The following PLAA variants were observed in gnomAD, a reference collection of about 807,000 sequenced individuals.
PLAA encodes the protein phospholipase A2 activating protein.
Under a neutral mutation model 84.1 loss-of-function variants are expected in PLAA, and 48 were observed. The observed-to-expected ratio is 0.57, with a 90% confidence interval of 0.45 to 0.73. The LOEUF (loss-of-function observed/expected upper bound fraction) is 0.73, where lower values mean the gene tolerates loss of function less well. Ranked by LOEUF, PLAA falls within the 30% of genes least tolerant of loss-of-function variation. The probability of loss-of-function intolerance (pLI) is 0.00; values close to 1 mark genes in which losing one functional copy is unlikely to be tolerated. For synonymous variants in PLAA, 392 were observed against 336.6 expected, an observed-to-expected ratio of 1.16 and a Z score of -1.80; for missense variants, 903 against 954.7, an observed-to-expected ratio of 0.95 and a Z score of 0.71.
chr9:26,942,448 A>C (rs919273200), intron 1 of PLAA, among the ~76,000 whole-genome samples: 1 of 152,238 alleles, frequency 6.6e-6, no homozygotes, highest in Non-Finnish European at 1.5e-5. Context: ...ACGAACAAAG[A>C]CTTTGAAATT....
chr9:26,929,306 T>A (rs761061889), intron 2 of PLAA, among the ~76,000 whole-genome samples: 1 of 151,908 alleles, frequency 6.6e-6, no homozygotes, highest in African/African-American at 2.4e-5. Context: ...CCTGGGGCAA[T>A]ATAGTGAGAC....
chr9:26,928,175 C>A lies in PLAA; in HGVS notation c.490G>T (p.Gly164Cys). 1.9e-6 allele frequency: 3 copies of A among 1,614,092 alleles called. No homozygotes were observed. Among genetic ancestry groups the A allele is most frequent in the Non-Finnish European group, 2.5e-6 (3 of 1,180,006 alleles). ...TCTGCTGATCCAGTCAACATTAAGC[C>A]CTGTTCAGGTAAGATCTTTACCGCC... The part of the protein sequence containing the change: ...VWAVKILPEQ[G>C]LMLTGSADKT... The change falls in exon 4 of 14, where the codon GGC becomes TGC. Residue 164 changes from glycine to cysteine, a missense_variant. By Grantham distance (159) the Gly-to-Cys change is radical. Transcript: ENST00000397292.
In PLAA at chr9:26,903,740, CAACA is replaced by C. The variant is rs143325115; in HGVS notation, c.*1767_*1770del. On this transcript the variant is annotated 3_prime_UTR_variant, in exon 14 of 14. Transcript: ENST00000397292. ...GCTAAGCTATATTTTGTAATCTCCA[CAACA>C]AACATGAAATAGTAAAGTTGACATA... 0.036 allele frequency among the ~76,000 whole-genome samples: 5,446 copies of C among 152,180 alleles called. 160 individuals carry two copies. The highest frequency in any genetic ancestry group is 0.094 in the South Asian group (454 of 4,820).
In PLAA at chr9:26,903,636, A is replaced by T. The variant is rs900346372; in HGVS notation, c.*1875T>A. On this transcript the variant is annotated 3_prime_UTR_variant, in exon 14 of 14. Transcript: ENST00000397292. Reference sequence around the variant, plus strand: ...GAAAAAACATTAAGAGAATCATAGGAAAGTTTAACTAAAAAAGAAAATCTT... The same window carrying T: ...GAAAAAACATTAAGAGAATCATAGGTAAGTTTAACTAAAAAAGAAAATCTT... Among the ~76,000 whole-genome samples the T allele has an allele frequency of 2.0e-5, 3 of 152,204 alleles. No individual in the cohort carries two copies. The highest frequency in any genetic ancestry group is 6.5e-5 in the Admixed American group (1 of 15,278).
chr9:26,935,324 C>T, intron 1 of PLAA, 118 bp from the exon 2 acceptor site: 1 of 522,130 alleles, frequency 1.9e-6, no homozygotes, highest in South Asian at 4.4e-5. Flanking sequence ...TATATACTAT[C>T]TTAAGAATCT....
intron 1 of PLAA, 140 bp downstream of exon 1, chr9:26,946,757 T>C: frequency 9.8e-7 from 1 of 1,016,726 alleles, no homozygotes; most frequent in South Asian, 1.7e-5. Context: ...TCTAATAGTC[T>C]GAGAATTGGA....
At chr9:26,911,362 A>AACTCCT (rs1824392214) in intron 11 of PLAA, among the ~76,000 whole-genome samples, 1 of 152,194 alleles carries the variant, frequency 6.6e-6, no homozygotes, top group Admixed American at 6.5e-5. Context: ...CACATTGGCC[A>AACTCCT]GGCTGGTCTC....
chr9:26,947,071 GC>G lies in PLAA; in HGVS notation c.-27del. 4 of 1,549,342 alleles carry G rather than the reference GC, an allele frequency of 2.6e-6. No homozygotes were observed. The highest frequency in any genetic ancestry group is 2.6e-6 in the Non-Finnish European group (3 of 1,148,540). ...GGCCAGTGTCTGTCTGGCGCCCGGT[GC>G]CCAGGCACTGTGCGAGACCAGTCCG... On this transcript the variant is annotated 5_prime_UTR_variant, in exon 1 of 14. Coordinates refer to ENST00000397292, the MANE Select transcript of PLAA (RefSeq NM_001031689.3).
chr9:26,910,527 T>C (rs1824367577), intron 11 of PLAA, 88 bp from the exon 12 acceptor site: 1 of 950,300 alleles, frequency 1.1e-6, no homozygotes, highest in Admixed American at 1.9e-5. Context: ...TTCACAATTA[T>C]TGAGATATGC....
intron 2 of PLAA, among the ~76,000 whole-genome samples, chr9:26,932,359 T>C (rs1034794137): frequency 3.3e-5 from 5 of 152,228 alleles, no homozygotes; most frequent in Admixed American, 6.5e-5. Context: ...ACTAAGAATG[T>C]TTTTTACGTA....
In PLAA at chr9:26,908,465, CTTATTA is replaced by C. The variant is rs371180402; in HGVS notation, c.1658-473_1658-468del. On this transcript the variant is annotated intron_variant, in intron 12 of 13. Transcript: ENST00000397292. ...ACAGGTGTGAGCCACCACGCCTGGC[CTTATTA>C]TTATTATTTTGAGATGGAGTCTCAC... is the stretch of plus-strand genomic sequence containing the variant. Among the ~76,000 whole-genome samples the C allele has an allele frequency of 3.5e-4, 52 of 146,746 alleles. 1 individual carries two copies. The East Asian group carries it at 7.0e-3, about 20-fold the overall frequency.
At chr9:26,930,863 A>T (rs372722056) in intron 2 of PLAA, among the ~76,000 whole-genome samples, 1 of 152,132 alleles carries the variant, frequency 6.6e-6, no homozygotes, top group East Asian at 1.9e-4. Flanking sequence ...GATTACAGGC[A>T]TGCACCACCA....
chr9:26,923,309 C>G lies in PLAA; in HGVS notation c.908G>C (p.Arg303Pro). 6.2e-7 allele frequency: 1 copy of G among 1,613,046 alleles called. No individual in the cohort carries two copies. Residue 303 changes from arginine (R) to proline (P), a missense_variant, in exon 7 of 14, where the codon CGA becomes CCA. By Grantham distance (103) the Arg-to-Pro change is moderately radical (BLOSUM62 -2). Coordinates refer to ENST00000397292, the MANE Select transcript of PLAA (RefSeq NM_001031689.3). ...IIRVFTESED[R>P]TASAEEIKAF... ...CTTGATTTCTTCAGCACTTGCTGTT[C>G]GATCTTCTGATTCTGTAAACACTCT...
At chr9:26,916,061 T>C in intron 10 of PLAA, 1 of 985,452 alleles carries the variant, frequency 1.0e-6, no homozygotes, top group Non-Finnish European at 1.2e-6. Context: ...CATTTACTTG[T>C]TATCAATGCA....
intron 1 of PLAA, among the ~76,000 whole-genome samples, chr9:26,942,762 G>T (rs1825579617): frequency 6.6e-6 from 1 of 151,474 alleles, no homozygotes; most frequent in Non-Finnish European, 1.5e-5. Flanking sequence ...GGCGCCTAAA[G>T]TCCCAGCTAC....
At chr9:26,925,028 A>ATCAC (rs1322187766) in intron 6 of PLAA, among the ~76,000 whole-genome samples, 1 of 152,202 alleles carries the variant, frequency 6.6e-6, no homozygotes, top group Non-Finnish European at 1.5e-5. Context: ...AAGATTTCCA[A>ATCAC]TCACTAACAG....
chr9:26,911,101 G>C (rs138418004), intron 11 of PLAA, among the ~76,000 whole-genome samples: 5 of 152,002 alleles, frequency 3.3e-5, no homozygotes, highest in South Asian at 2.1e-4. Context: ...TGCAGGATGT[G>C]CAAGTTTGTT....
At chr9:26,935,382 G>C (rs1450134143) in intron 1 of PLAA, among the ~76,000 whole-genome samples, 176 bp from the exon 2 acceptor site, 2 of 152,080 alleles carry the variant, frequency 1.3e-5, no homozygotes, top group South Asian at 2.1e-4. Context: ...CTACTATAGA[G>C]AATTACATGA....
In PLAA at chr9:26,928,081, T is replaced by G. The variant is rs751493377; in HGVS notation, c.565+19A>C. 1.9e-6 allele frequency: 3 copies of G among 1,583,912 alleles called. No individual in the cohort carries two copies. Among genetic ancestry groups the G allele is most frequent in the Non-Finnish European group, 2.6e-6 (3 of 1,171,848 alleles). ...ATAAAAAGCAATGATATTATAAAAC[T>G]TGTCTACCCTGATCTTACCTGAAAA... is the stretch of plus-strand genomic sequence containing the variant. On this transcript the variant is annotated intron_variant, in intron 4 of 13. Coordinates refer to ENST00000397292, the MANE Select transcript of PLAA (RefSeq NM_001031689.3).
Sources: gnomAD v4.1 joint callset for allele counts (sites outside exome capture counted in the v4.1 genomes callset) on GRCh38, gnomAD v4.1.1 for gene constraint, MANE v1.5 for transcripts, NCBI Gene and HGNC (gene_info 2026-07-23, HGNC 2026-07-21) for gene names.